FKBP1A: variants seen among roughly 807,000 people sequenced by gnomAD.
FKBP1A encodes FKBP prolyl isomerase 1A.
FKBP1A carries 5 observed loss-of-function variants against 14.2 expected under a neutral mutation model. That is an observed-to-expected ratio of 0.35 (90% confidence interval 0.18 to 0.74). FKBP1A has a LOEUF of 0.74. FKBP1A is among the 30% of genes least tolerant of loss of function. The pLI is 0.56. For missense variants in FKBP1A, 53 were observed against 138.8 expected, an observed-to-expected ratio of 0.38 and a Z score of 3.10; for synonymous variants, 42 against 49.1, an observed-to-expected ratio of 0.86 and a Z score of 0.60.
intron 2 of FKBP1A, among the ~76,000 whole-genome samples, chr20:1,387,909 CT>C (rs2089684968): frequency 6.6e-6 from 1 of 152,060 alleles, no homozygotes; most frequent in Admixed American, 6.5e-5. Flanking sequence ...AGGATAACAG[CT>C]AATAAATTTA....
At chr20:1,385,599 T>C (rs1351687139) in intron 2 of FKBP1A, among the ~76,000 whole-genome samples, 2 of 152,004 alleles carry the variant, frequency 1.3e-5, no homozygotes, top group Non-Finnish European at 1.5e-5. Context: ...ACCCCTCGGC[T>C]GAAAAACTCC....
intron 2 of FKBP1A, chr20:1,391,541 A>AT (rs1178485665): frequency 5.0e-6 from 2 of 397,012 alleles, no homozygotes; most frequent in Non-Finnish European, 8.9e-6. Context: ...TCCTGCCCCC[A>AT]TTTCTACCCA....
intron 4 of FKBP1A, chr20:1,371,657 A>T: frequency 1.1e-6 from 1 of 945,944 alleles, no homozygotes; most frequent in Non-Finnish European, 1.3e-6. Context: ...CATGATATTC[A>T]TATCCAAAGG....
chr20:1,378,310 A>C (rs1040176927), intron 2 of FKBP1A: 1 of 152,708 alleles, frequency 6.5e-6, no homozygotes, highest in Admixed American at 6.5e-5. Context: ...GAGGTGATTA[A>C]AAGTGTGCTT....
intron 2 of FKBP1A, among the ~76,000 whole-genome samples, chr20:1,389,209 T>TTAGAC (rs2122708676): frequency 6.6e-6 from 1 of 152,294 alleles, no homozygotes; most frequent in South Asian, 2.1e-4. Flanking sequence ...AGATCAGGTC[T>TTAGAC]TTGTCTATTT....
At chr20:1,373,921 GCCA>G in intron 3 of FKBP1A, among the ~76,000 whole-genome samples, 1 of 152,320 alleles carries the variant, frequency 6.6e-6, no homozygotes, top group East Asian at 1.9e-4. Flanking sequence ...TCCTCACACT[GCCA>G]ACCCTCTGCC....
In FKBP1A at chr20:1,375,631, C is replaced by G. The variant is rs781253940; in HGVS notation, c.86-28G>C. On this transcript the variant is annotated intron_variant, in intron 2 of 4. Coordinates refer to ENST00000400137, the MANE Select transcript of FKBP1A (RefSeq NM_000801.5). ...GTGAAAAAGACGACTGTAACATGAGCAGCAGAGTAATGACACAAGACAAGT... is the reference window on the plus strand; with the variant it reads ...GTGAAAAAGACGACTGTAACATGAGGAGCAGAGTAATGACACAAGACAAGT... 3.4e-6 allele frequency: 5 copies of G among 1,481,938 alleles called. No homozygotes were observed. In the Admixed American group the frequency reaches 5.0e-5, roughly 15 times the overall value. 91.8% of individuals were successfully genotyped at this position (1,481,938 alleles called of 1,614,324 possible). A position where few individuals can be genotyped will look rare whatever the true frequency, so the allele number is the denominator to read the frequency against.
chr20:1,380,907 C>T (rs1287273088), intron 2 of FKBP1A, among the ~76,000 whole-genome samples: 2 of 152,110 alleles, frequency 1.3e-5, no homozygotes. Flanking sequence ...GCTGAAATGA[C>T]AAAATATCCA....
rs181646984 is a variant in FKBP1A at position 1,373,403 on chromosome 20, T to C, written c.199-1163A>G. Among the ~76,000 whole-genome samples, 1,154 of 152,304 alleles carry C rather than the reference T, an allele frequency of 7.6e-3. 60 individuals carry two copies. The highest frequency in any genetic ancestry group is 0.07 in the Admixed American group (1,077 of 15,304). Reference sequence around the variant, plus strand: ...TGAAAGAAAGCTGCCAAAATGGTCCTTGTGGCAGGCAGGACTCCACGCCTG... The same window carrying C: ...TGAAAGAAAGCTGCCAAAATGGTCCCTGTGGCAGGCAGGACTCCACGCCTG... On this transcript the variant is annotated intron_variant, in intron 3 of 4. Coordinates refer to ENST00000400137, the MANE Select transcript of FKBP1A (RefSeq NM_000801.5).
At chr20:1,389,592 T>C (rs1473219517) in intron 2 of FKBP1A, among the ~76,000 whole-genome samples, 1 of 152,190 alleles carries the variant, frequency 6.6e-6, no homozygotes, top group Non-Finnish European at 1.5e-5. Flanking sequence ...GCTCCTGGTT[T>C]TTCTCAGTCA....
rs2089440513 is a variant in FKBP1A at position 1,369,962 on chromosome 20, A to G, written c.*147T>C. ...GTCGGAAGCAAAGCTGAGTGACAGA[A>G]CACATTCAGTCAGGGCAGATGTCTA... On this transcript the variant is annotated 3_prime_UTR_variant, in exon 5 of 5. Transcript: ENST00000400137. 11 of 1,505,836 alleles carry G rather than the reference A, an allele frequency of 7.3e-6. No homozygotes were observed. In the South Asian group the frequency reaches 1.4e-4, roughly 19 times the overall value. 93.3% of individuals were successfully genotyped at this position (1,505,836 alleles called of 1,614,324 possible).
At chr20:1,372,311 G>GT (rs2089476714) in intron 3 of FKBP1A, 71 bp from the exon 4 acceptor site, 1 of 1,528,938 alleles carries the variant, frequency 6.5e-7, no homozygotes, top group Admixed American at 1.8e-5. Context: ...AAAAAGAGCT[G>GT]TTTACCTAGG....
intron 2 of FKBP1A, among the ~76,000 whole-genome samples, chr20:1,392,069 G>C (rs140018101): frequency 6.6e-6 from 1 of 152,234 alleles, no homozygotes; most frequent in Admixed American, 6.5e-5. Context: ...TTATCACTAT[G>C]TATTAGCCTC....
At chr20:1,375,694 T>C (rs1322775023) in intron 2 of FKBP1A, 91 bp from the exon 3 acceptor site, 2 of 909,022 alleles carry the variant, frequency 2.2e-6, no homozygotes, top group Admixed American at 3.7e-5. Context: ...GAGATGCCAG[T>C]GCTGAAGAGT....
At chr20:1,373,513 C>G (rs2089496281) in intron 3 of FKBP1A, among the ~76,000 whole-genome samples, 1 of 152,170 alleles carries the variant, frequency 6.6e-6, no homozygotes, top group African/African-American at 2.4e-5. Flanking sequence ...TTTTAACTCA[C>G]TTGGTGAAAA....
Position 1,389,205 on chromosome 20 carries a change from G to C in FKBP1A, c.85+3629C>G, listed in dbSNP as rs866312854. Among the ~76,000 whole-genome samples, 2 of 152,166 alleles carry C rather than the reference G, an allele frequency of 1.3e-5. 1 individual carries two copies. Among genetic ancestry groups the C allele is most frequent in the African/African-American group, 4.8e-5 (2 of 41,422 alleles). ...TCATAAGCAAAGCCCCACCAGATCA[G>C]GTCTTTGTCTATTTAGTTCACTAGC... On this transcript the variant is annotated intron_variant, in intron 2 of 4. Coordinates refer to ENST00000400137, the MANE Select transcript of FKBP1A (RefSeq NM_000801.5).
At position 1,369,726 on chromosome 20, in the gene FKBP1A, C is replaced by CT. The variant is rs1308928924; in HGVS notation, c.*382_*383insA. ...TAAAATAAAATATTCTTGCAAACCC[C>CT]CCCCCCAACACCAATTCCTATTCTA... On this transcript the variant is annotated 3_prime_UTR_variant, in exon 5 of 5. Coordinates refer to ENST00000400137, the MANE Select transcript of FKBP1A (RefSeq NM_000801.5). 1 of 241,568 alleles carries CT rather than the reference C, an allele frequency of 4.1e-6. No individual in the cohort carries two copies. The highest frequency in any genetic ancestry group is 8.5e-6 in the Non-Finnish European group (1 of 117,828). The allele number at this position is 241,568 out of a possible 1,614,324, so 15.0% of individuals were successfully genotyped here.
At position 1,386,642 on chromosome 20, in the gene FKBP1A, G is replaced by A. The variant is rs924160211; in HGVS notation, c.85+6192C>T. Among the ~76,000 whole-genome samples, 1 of 152,220 alleles carries A rather than the reference G, an allele frequency of 6.6e-6. No homozygotes were observed. Among genetic ancestry groups the A allele is most frequent in the Non-Finnish European group, 1.5e-5 (1 of 68,042 alleles). On this transcript the variant is annotated intron_variant, in intron 2 of 4. Transcript: ENST00000400137. The surrounding 1 kb of genome is among the most constrained non-coding windows in gnomAD (Gnocchi z 4.7). ...TAAAGAAAAGAGCCTGTCATGCAGT[G>A]GGGAGTGGGGGCAGTGTGGTGGCAC...
In FKBP1A at chr20:1,370,141, C is replaced by T. The variant is rs1038693829; in HGVS notation, c.*37-69G>A. The T allele has an allele frequency of 9.8e-6, 15 of 1,525,386 alleles. No homozygotes were observed. The Admixed American group carries it at 2.2e-4, about 22-fold the overall frequency. 94.5% of individuals were successfully genotyped at this position (1,525,386 alleles called of 1,614,324 possible). Reference sequence around the variant, plus strand: ...TCTTTGTGTGCAGTGGCGACAGCCACGATGCCATCTGCCACGCCAAATCCC... The same window carrying T: ...TCTTTGTGTGCAGTGGCGACAGCCATGATGCCATCTGCCACGCCAAATCCC... On this transcript the variant is annotated intron_variant, in intron 4 of 4. Coordinates refer to ENST00000400137, the MANE Select transcript of FKBP1A (RefSeq NM_000801.5).
Sources: gnomAD v4.1 joint callset for allele counts (sites outside exome capture counted in the v4.1 genomes callset) on GRCh38, gnomAD v4.1.1 for gene constraint, Gnocchi (gnomAD v3.1) non-coding constraint, MANE v1.5 for transcripts, NCBI Gene and HGNC (gene_info 2026-07-23, HGNC 2026-07-21) for gene names.